Variants in ZMYM2 observed in about 807,000 individuals in gnomAD.
ZMYM2 encodes the protein zinc finger MYM-type protein 2.
Under a neutral mutation model 162.8 loss-of-function variants are expected in ZMYM2, and 56 were observed. The ratio of observed to expected loss-of-function variants is 0.34; its 90% CI spans 0.28 to 0.43. The LOEUF (loss-of-function observed/expected upper bound fraction) is 0.43. ZMYM2 is among the 20% of genes least tolerant of loss of function. The pLI, the probability that ZMYM2 is intolerant of heterozygous loss-of-function variation, is 1.00. For missense variants in ZMYM2, 1,275 were observed against 1,621.8 expected (o/e 0.79, Z 3.67); for synonymous variants, 510 against 541.6 (o/e 0.94, Z 0.81).
At position 20,088,237 on chromosome 13, in the gene ZMYM2, A is replaced by G. The variant is rs1958381251; in HGVS notation, c.*2223A>G. 1 of 207,972 alleles carries G rather than the reference A, an allele frequency of 4.8e-6. No individual in the cohort carries two copies. The highest frequency in any genetic ancestry group is 5.9e-5 in the Admixed American group (1 of 16,882). 12.9% of individuals were successfully genotyped at this position (207,972 alleles called of 1,614,324 possible). A position where few individuals can be genotyped will look rare whatever the true frequency, so the allele number is the denominator to read the frequency against. On this transcript the variant is annotated 3_prime_UTR_variant, in exon 25 of 25. Transcript: ENST00000610343. ...CAGGGGGAAAAGAAAAACTTATTTT[A>G]TGAGAATTGTTTGTTCTGTGAAACT...
At chr13:19,942,489 G>A in the ZMYM2 span, among the ~76,000 whole-genome samples, 1,004 of 150,194 alleles carry the variant, frequency 6.7e-3, 18 homozygotes, top group African/African-American at 0.023. Flanking sequence ...GATTGCTTGA[G>A]TACAGGAGTT....
At chr13:20,071,934 C>A in intron 21 of ZMYM2, 2 of 192,472 alleles carry the variant, frequency 1.0e-5, no homozygotes, top group South Asian at 3.0e-4. Flanking sequence ...GTAAGCTTCT[C>A]TGTATTTTGG....
the ZMYM2 span, among the ~76,000 whole-genome samples, chr13:19,882,541 G>GT: frequency 6.6e-6 from 1 of 152,090 alleles, no homozygotes; most frequent in Admixed American, 6.6e-5. Flanking sequence ...GAGCCCAGGA[G>GT]TTTGAGACCA....
Position 20,087,999 on chromosome 13 carries a change from G to A in ZMYM2, c.*1985G>A, listed in dbSNP as rs566689237. ...TCAAGAGCAATAAAGTTTTTCCCAG[G>A]TGTCACTTATTGTATATGTTACCAA... is the stretch of plus-strand genomic sequence containing the variant. On this transcript the variant is annotated 3_prime_UTR_variant, in exon 25 of 25. Transcript: ENST00000610343. The A allele has an allele frequency of 1.5e-5, 3 of 195,418 alleles. No homozygotes were observed. Among genetic ancestry groups the A allele is most frequent in the South Asian group, 1.9e-4 (1 of 5,150 alleles). The allele number at this position is 195,418 out of a possible 1,614,324, so 12.1% of individuals were successfully genotyped here.
chr13:20,065,265 G>A (rs1389611835), intron 19 of ZMYM2, among the ~76,000 whole-genome samples: 1 of 151,978 alleles, frequency 6.6e-6, no homozygotes, highest in Non-Finnish European at 1.5e-5. Context: ...GTGGAATGAA[G>A]GTGGACTTCT....
chr13:19,921,672 T>G, the ZMYM2 span, among the ~76,000 whole-genome samples: 1 of 152,186 alleles, frequency 6.6e-6, no homozygotes, highest in Non-Finnish European at 1.5e-5. Flanking sequence ...TTCTTCAATA[T>G]CTCACTATGG....
the ZMYM2 span, among the ~76,000 whole-genome samples, chr13:19,921,432 G>A: frequency 2.6e-5 from 4 of 151,994 alleles, no homozygotes; most frequent in African/African-American, 7.2e-5. Flanking sequence ...GAACCACGGC[G>A]CCCAAACTTG....
chr13:20,083,853 G>A, intron 24 of ZMYM2, 77 bp downstream of exon 24: 1 of 1,380,190 alleles, frequency 7.2e-7, no homozygotes, highest in Non-Finnish European at 9.9e-7. Context: ...ACCAAGAAGT[G>A]ACTTTTTTAG....
At chr13:19,989,219 T>C (rs1949413896) in intron 2 of ZMYM2, among the ~76,000 whole-genome samples, 1 of 152,214 alleles carries the variant, frequency 6.6e-6, no homozygotes, top group South Asian at 2.1e-4. Context: ...TCTCTAACTT[T>C]TTAATTTTTA....
intron 16 of ZMYM2, among the ~76,000 whole-genome samples, chr13:20,059,764 A>G (rs1171860629): frequency 6.6e-6 from 1 of 152,016 alleles, no homozygotes; most frequent in Non-Finnish European, 1.5e-5. Context: ...GACTGAAAAT[A>G]CAGTATTCTG....
At chr13:19,922,701 A>G in the ZMYM2 span, among the ~76,000 whole-genome samples, 7 of 152,080 alleles carry the variant, frequency 4.6e-5, no homozygotes, top group Admixed American at 3.3e-4. Context: ...AAAATTAGCC[A>G]GGCGTGGTGG....
At chr13:20,050,114 T>C (rs1276605167) in intron 12 of ZMYM2, among the ~76,000 whole-genome samples, 1 of 151,972 alleles carries the variant, frequency 6.6e-6, no homozygotes, top group Non-Finnish European at 1.5e-5. Flanking sequence ...AGTATAAAAT[T>C]TGGATTCACA....
chr13:19,947,129 C>T, the ZMYM2 span, among the ~76,000 whole-genome samples: 1 of 152,090 alleles, frequency 6.6e-6, no homozygotes, highest in Non-Finnish European at 1.5e-5. Flanking sequence ...GCAAGCTCCG[C>T]CTCCTGGGTT....
the ZMYM2 span, among the ~76,000 whole-genome samples, chr13:19,951,749 T>G: frequency 2.0e-5 from 3 of 151,902 alleles, no homozygotes; most frequent in Non-Finnish European, 4.4e-5. Context: ...ATGCTGTTAA[T>G]GATGTGGAAG....
chr13:19,933,222 A>T, the ZMYM2 span, among the ~76,000 whole-genome samples: 1 of 152,170 alleles, frequency 6.6e-6, no homozygotes, highest in African/African-American at 2.4e-5. Context: ...AAGTGCTGGG[A>T]TTACAGGTGA....
chr13:19,872,320 C>T, the ZMYM2 span, among the ~76,000 whole-genome samples: 2 of 152,034 alleles, frequency 1.3e-5, no homozygotes, highest in East Asian at 3.9e-4. Flanking sequence ...GAAGCTGAGG[C>T]GGGCAGATCA....
the ZMYM2 span, among the ~76,000 whole-genome samples, chr13:19,940,490 C>T: frequency 1.2e-3 from 178 of 152,280 alleles, 1 homozygote; most frequent in Middle Eastern, 0.017. Context: ...ACTTCTTTTC[C>T]GTTCTCTACT....
At chr13:19,864,456 T>TG in the ZMYM2 span, 4 of 154,908 alleles carry the variant, frequency 2.6e-5, no homozygotes, top group Admixed American at 2.0e-4. Context: ...TGCCGGCGTC[T>TG]GCGTCCGCGG....
rs561530539 is a variant in ZMYM2 at position 20,044,406 on chromosome 13, C to T, written c.2293-7027C>T. Among the ~76,000 whole-genome samples, 9 of 152,276 alleles carry T rather than the reference C, an allele frequency of 5.9e-5. No homozygotes were observed. The South Asian group carries it at 1.9e-3, about 32-fold the overall frequency. ...AGTCCCAGTGTGTGGTAGCCCCATG[C>T]AGCGTTCCCAGATTCCTTCTCCTTA... is the stretch of plus-strand genomic sequence containing the variant. On this transcript the variant is annotated intron_variant, in intron 12 of 24. Transcript: ENST00000610343.
Sources: gnomAD v4.1 joint callset for allele counts (sites outside exome capture counted in the v4.1 genomes callset) on GRCh38, gnomAD v4.1.1 for gene constraint, MANE v1.5 for transcripts, NCBI Gene and HGNC (gene_info 2026-07-23, HGNC 2026-07-21) for gene names.